The following SGCZ variants were observed in gnomAD, a reference collection of about 807,000 sequenced individuals.
SGCZ encodes the protein sarcoglycan zeta, also known as zeta-sarcoglycan.
A neutral mutation model predicts 41.3 loss-of-function variants in SGCZ; 40 were observed. That is an observed-to-expected ratio of 0.97 (90% CI 0.75 to 1.26). SGCZ has a LOEUF of 1.26. Among genes scored for constraint, SGCZ ranks in the 50% most tolerant of loss-of-function variants. The probability of loss-of-function intolerance (pLI) is 0.00; values close to 1 mark genes in which losing one functional copy is unlikely to be tolerated. For missense variants in SGCZ, 552 were observed against 369.8 expected, an observed-to-expected ratio of 1.49 and a Z score of -4.04; for synonymous variants, 206 against 137.5, an observed-to-expected ratio of 1.50 and a Z score of -3.49.
chr8:14,815,210 A>G (rs1401088139), intron 1 of SGCZ, among the ~76,000 whole-genome samples: 1 of 151,972 alleles, frequency 6.6e-6, no homozygotes, highest in Non-Finnish European at 1.5e-5. Flanking sequence ...TCTGCAGAAT[A>G]ATTCATTTAC....
At chr8:14,198,982 G>A (rs1438934846) in intron 4 of SGCZ, among the ~76,000 whole-genome samples, 1 of 152,084 alleles carries the variant, frequency 6.6e-6, no homozygotes, top group Non-Finnish European at 1.5e-5. Flanking sequence ...TGTGTTAACT[G>A]CACAAATTGT....
chr8:14,533,723 C>A (rs1418400686), intron 2 of SGCZ, among the ~76,000 whole-genome samples: 1 of 151,910 alleles, frequency 6.6e-6, no homozygotes, highest in Non-Finnish European at 1.5e-5. Flanking sequence ...TTCTGTAATT[C>A]ATGGCAGATG....
At chr8:14,691,997 T>C (rs903360443) in intron 1 of SGCZ, among the ~76,000 whole-genome samples, 2 of 151,996 alleles carry the variant, frequency 1.3e-5, no homozygotes, top group African/African-American at 4.8e-5. Context: ...GATAGTTCAC[T>C]TATAATTTGA....
chr8:14,934,085 T>C (rs1800009842), intron 1 of SGCZ, among the ~76,000 whole-genome samples: 1 of 151,982 alleles, frequency 6.6e-6, no homozygotes, highest in African/African-American at 2.4e-5. Context: ...TAATTTATAC[T>C]AAATATTCCC....
intron 2 of SGCZ, among the ~76,000 whole-genome samples, chr8:14,401,737 G>A (rs951167049): frequency 7.3e-5 from 11 of 151,526 alleles, no homozygotes; most frequent in Middle Eastern, 3.4e-3. Flanking sequence ...GAATAATGCC[G>A]CAATAAACAT....
chr8:14,818,042 C>T (rs1801959962), intron 1 of SGCZ, among the ~76,000 whole-genome samples: 1 of 152,170 alleles, frequency 6.6e-6, no homozygotes, highest in Admixed American at 6.5e-5. Flanking sequence ...ACTCTCTGGA[C>T]AGAGTGCCAT....
Position 14,178,134 on chromosome 8 carries a change from T to C in SGCZ, c.425-13432A>G, listed in dbSNP as rs1235508577. On this transcript the variant is annotated intron_variant, in intron 4 of 7. Coordinates refer to ENST00000382080, the MANE Select transcript of SGCZ (RefSeq NM_139167.4). The stretch of plus-strand genomic sequence containing the variant: ...CATCACCCCCGGCTAATTGTGTTTT[T>C]GTGGAGATGGGGTTTCACCATGTTG... Among the ~76,000 whole-genome samples the C allele has an allele frequency of 4.6e-5, 7 of 151,708 alleles. No homozygotes were observed. The East Asian group carries it at 1.4e-3, about 30-fold the overall frequency.
At chr8:14,293,367 A>T (rs536217437) in intron 3 of SGCZ, among the ~76,000 whole-genome samples, 2 of 152,092 alleles carry the variant, frequency 1.3e-5, no homozygotes, top group Admixed American at 6.6e-5. Flanking sequence ...CAGAGAAGAG[A>T]TATTTCAGTT....
At chr8:14,890,393 T>C (rs182684143) in intron 1 of SGCZ, among the ~76,000 whole-genome samples, 207 of 152,322 alleles carry the variant, frequency 1.4e-3, no homozygotes, top group African/African-American at 4.7e-3. Flanking sequence ...ATTTTTGATA[T>C]AGAGACAGCT....
intron 1 of SGCZ, among the ~76,000 whole-genome samples, chr8:14,765,984 T>TTA (rs1800023211): frequency 6.8e-6 from 1 of 146,170 alleles, no homozygotes; most frequent in South Asian, 2.2e-4. Context: ...TTTTTTTTTT[T>TTA]AACAGAGGCT....
At chr8:14,883,567 T>C (rs115051690) in intron 1 of SGCZ, among the ~76,000 whole-genome samples, 182 of 152,244 alleles carry the variant, frequency 1.2e-3, no homozygotes, top group African/African-American at 4.1e-3. Flanking sequence ...CAAGATCAAA[T>C]GATGTTTCAC....
At chr8:14,602,045 G>A (rs1264912758) in intron 1 of SGCZ, among the ~76,000 whole-genome samples, 6 of 152,030 alleles carry the variant, frequency 3.9e-5, no homozygotes, top group Non-Finnish European at 7.4e-5. Flanking sequence ...GCATGAACCC[G>A]GGAGGCGGAG....
rs1457220 is a variant in SGCZ at position 15,148,679 on chromosome 8, C to A, written c.39+88906G>T. On this transcript the variant is annotated intron_variant, in intron 1 of 7. Coordinates refer to ENST00000382080, the MANE Select transcript of SGCZ (RefSeq NM_139167.4). ...GGTGTGAAGACAGAAGATGCTTCAC[C>A]CTTTCAAGTTTCTCAGGTGACACTG... Among the ~76,000 whole-genome samples the A allele has an allele frequency of 1.3e-3, 200 of 152,246 alleles. 1 individual carries two copies. Among genetic ancestry groups the A allele is most frequent in the African/African-American group, 4.5e-3 (187 of 41,548 alleles).
intron 1 of SGCZ, among the ~76,000 whole-genome samples, chr8:15,200,955 A>G (rs919867063): frequency 2.0e-5 from 3 of 152,066 alleles, no homozygotes; most frequent in Non-Finnish European, 2.9e-5. Context: ...TTGAATCTCT[A>G]TTTTCAGTAA....
At chr8:14,203,307 G>T (rs1323975827) in intron 4 of SGCZ, among the ~76,000 whole-genome samples, 2 of 152,178 alleles carry the variant, frequency 1.3e-5, no homozygotes, top group Non-Finnish European at 2.9e-5. Context: ...GTTAAGACGA[G>T]AAGAGTGTAG....
intron 1 of SGCZ, among the ~76,000 whole-genome samples, chr8:14,803,366 TGC>T (rs1801394261): frequency 6.6e-6 from 1 of 152,084 alleles, no homozygotes; most frequent in Admixed American, 6.5e-5. Context: ...GGTCAGTGGG[TGC>T]GCGCACCATG....
intron 1 of SGCZ, among the ~76,000 whole-genome samples, chr8:15,166,548 G>A (rs190654595): frequency 5.3e-5 from 8 of 152,106 alleles, no homozygotes; most frequent in South Asian, 2.1e-4. Flanking sequence ...ACGCCTGGCC[G>A]ATGCACAACC....
chr8:15,005,439 C>A lies in SGCZ; in HGVS notation c.39+232146G>T, dbSNP rs150131364. Among the ~76,000 whole-genome samples the A allele has an allele frequency of 3.0e-4, 44 of 147,600 alleles. No homozygotes were observed. The East Asian group carries it at 9.3e-3, about 31-fold the overall frequency. ...CTCTGCCTCCTGGGTTCGAGCGATT[C>A]TCCTGCCTCAGCCTCCCGAGTAGCT... is the stretch of plus-strand genomic sequence containing the variant. On this transcript the variant is annotated intron_variant, in intron 1 of 7. Coordinates refer to ENST00000382080, the MANE Select transcript of SGCZ (RefSeq NM_139167.4).
intron 1 of SGCZ, among the ~76,000 whole-genome samples, chr8:14,770,088 G>A (rs1198073479): frequency 6.7e-6 from 1 of 150,088 alleles, no homozygotes; most frequent in Non-Finnish European, 1.5e-5. Flanking sequence ...TTTTCAAAAT[G>A]AGGATAATAG....
Sources: allele counts gnomAD v4.1 joint callset (sites outside exome capture counted in the v4.1 genomes callset), GRCh38; gene constraint gnomAD v4.1.1; transcripts MANE v1.5; gene names NCBI Gene and HGNC (gene_info 2026-07-23, HGNC 2026-07-21).